HS6ST3: variants seen among roughly 807,000 people sequenced by gnomAD.
The protein encoded by HS6ST3 is heparan sulfate 6-O-sulfotransferase 3.
In HS6ST3, 12 loss-of-function variants were observed where a neutral mutation model predicts 36.7. The observed-to-expected ratio is 0.33, with a 90% CI of 0.21 to 0.53. The LOEUF is 0.53. Ranked by LOEUF, HS6ST3 falls within the 20% of genes least tolerant of loss-of-function variation. HS6ST3 has a pLI of 0.95. For synonymous variants in HS6ST3, 240 were observed against 257.5 expected (o/e 0.93, Z 0.65); for missense variants, 584 against 640.9 (o/e 0.91, Z 0.96).
chr13:96,671,333 A>C (rs955074050), intron 1 of HS6ST3, among the ~76,000 whole-genome samples: 1 of 152,076 alleles, frequency 6.6e-6, no homozygotes, highest in Non-Finnish European at 1.5e-5. Context: ...CTACACCAGT[A>C]TTTACCCTCT....
chr13:96,105,211 G>C (rs1369909057), intron 1 of HS6ST3, among the ~76,000 whole-genome samples: 2 of 152,174 alleles, frequency 1.3e-5, no homozygotes, highest in South Asian at 2.1e-4. Context: ...GGATTGATTT[G>C]AGAGATTGGA....
At chr13:96,274,078 C>G (rs906484488) in intron 1 of HS6ST3, among the ~76,000 whole-genome samples, 3 of 150,198 alleles carry the variant, frequency 2.0e-5, no homozygotes, top group African/African-American at 7.4e-5. Flanking sequence ...GGGTTTTGCT[C>G]TGTCCCCCAG....
At chr13:96,326,798 G>C (rs1194365894) in intron 1 of HS6ST3, among the ~76,000 whole-genome samples, 2 of 151,754 alleles carry the variant, frequency 1.3e-5, no homozygotes, top group African/African-American at 4.8e-5. Context: ...CCCACCAACA[G>C]TGTAAAAGTG....
intron 1 of HS6ST3, among the ~76,000 whole-genome samples, chr13:96,781,762 C>T (rs1225517106): frequency 1.3e-5 from 2 of 152,154 alleles, no homozygotes; most frequent in African/African-American, 4.8e-5. Flanking sequence ...AAAACGTGAA[C>T]CTTTTTTTCA....
At chr13:96,594,017 C>T (rs749646732) in intron 1 of HS6ST3, among the ~76,000 whole-genome samples, 1 of 151,200 alleles carries the variant, frequency 6.6e-6, no homozygotes, top group African/African-American at 2.4e-5. Context: ...AGTGCAATGG[C>T]GCGATCTCAG....
chr13:96,429,109 TG>T, intron 1 of HS6ST3, among the ~76,000 whole-genome samples: 1 of 152,172 alleles, frequency 6.6e-6, no homozygotes, highest in Non-Finnish European at 1.5e-5. Context: ...AAATTGCTGA[TG>T]GGGGATTTAA....
At chr13:96,104,354 A>G (rs1305429210) in intron 1 of HS6ST3, among the ~76,000 whole-genome samples, 1 of 152,288 alleles carries the variant, frequency 6.6e-6, no homozygotes, top group East Asian at 1.9e-4. Flanking sequence ...ACAGATTTCC[A>G]TGGCTTGAGA....
chr13:96,113,932 A>T (rs972608251), intron 1 of HS6ST3, among the ~76,000 whole-genome samples: 1 of 152,154 alleles, frequency 6.6e-6, no homozygotes, highest in African/African-American at 2.4e-5. Flanking sequence ...AATTGATGTA[A>T]TATTATGCCC....
chr13:96,351,976 T>G (rs1299607307), intron 1 of HS6ST3, among the ~76,000 whole-genome samples: 5 of 152,232 alleles, frequency 3.3e-5, no homozygotes, highest in Admixed American at 1.3e-4. Flanking sequence ...ACACAAATAA[T>G]AAGGGAAGTT....
At chr13:96,762,034 TTTAAG>T (rs1347179751) in intron 1 of HS6ST3, among the ~76,000 whole-genome samples, 2 of 152,000 alleles carry the variant, frequency 1.3e-5, no homozygotes, top group African/African-American at 2.4e-5. Flanking sequence ...ATTTACTACA[TTTAAG>T]TTATTTTTAT....
At chr13:96,662,279 C>G (rs940390892) in intron 1 of HS6ST3, among the ~76,000 whole-genome samples, 2 of 152,092 alleles carry the variant, frequency 1.3e-5, no homozygotes, top group Non-Finnish European at 2.9e-5. Flanking sequence ...TTTCTTGAAG[C>G]CTTTGTTCAT....
At chr13:96,792,969 G>A (rs779112080) in intron 1 of HS6ST3, among the ~76,000 whole-genome samples, 3 of 151,982 alleles carry the variant, frequency 2.0e-5, no homozygotes, top group Non-Finnish European at 4.4e-5. Context: ...TCGGCACCAC[G>A]CCAATTTGTT....
intron 1 of HS6ST3, among the ~76,000 whole-genome samples, chr13:96,703,761 T>C (rs1875348955): frequency 6.6e-6 from 1 of 152,192 alleles, no homozygotes; most frequent in South Asian, 2.1e-4. Flanking sequence ...TGGCTCTGTG[T>C]CCCCTTTCAA....
intron 1 of HS6ST3, among the ~76,000 whole-genome samples, chr13:96,311,124 A>G (rs1204084712): frequency 2.0e-5 from 3 of 152,234 alleles, no homozygotes; most frequent in African/African-American, 4.8e-5. Context: ...AAATGAAGCT[A>G]TAAAATACCA....
intron 1 of HS6ST3, among the ~76,000 whole-genome samples, chr13:96,780,562 C>T (rs1877501398): frequency 6.6e-6 from 1 of 152,110 alleles, no homozygotes; most frequent in African/African-American, 2.4e-5. Flanking sequence ...TAGAGATCCA[C>T]TCTCCAGACA....
At chr13:96,677,140 A>T (rs1288845900) in intron 1 of HS6ST3, among the ~76,000 whole-genome samples, 1 of 152,178 alleles carries the variant, frequency 6.6e-6, no homozygotes, top group Non-Finnish European at 1.5e-5. Context: ...AGGTTACATT[A>T]TATGGGGGCA....
Position 96,118,070 on chromosome 13 carries a change from C to T in HS6ST3, c.707+26501C>T, listed in dbSNP as rs142137247. Among the ~76,000 whole-genome samples the T allele has an allele frequency of 3.1e-3, 476 of 151,892 alleles. 2 individuals are homozygous for T. Among genetic ancestry groups the T allele is most frequent in the African/African-American group, 0.011 (467 of 41,418 alleles). Reference sequence around the variant, plus strand: ...TTTTTTAAGTAGAGATGGGGTTTTACTATGTTGGCCAGGCTGGTCTCAAAC... The same window carrying T: ...TTTTTTAAGTAGAGATGGGGTTTTATTATGTTGGCCAGGCTGGTCTCAAAC... On this transcript the variant is annotated intron_variant, in intron 1 of 1. Coordinates refer to ENST00000376705, the MANE Select transcript of HS6ST3 (RefSeq NM_153456.4).
intron 1 of HS6ST3, among the ~76,000 whole-genome samples, chr13:96,592,618 CCTCAGCA>C (rs2056386597): frequency 6.6e-6 from 1 of 152,076 alleles, no homozygotes; most frequent in Non-Finnish European, 1.5e-5. Context: ...TGACTAAATT[CCTCAGCA>C]TTTTATTTAT....
intron 1 of HS6ST3, among the ~76,000 whole-genome samples, chr13:96,587,724 G>A (rs949526485): frequency 6.6e-6 from 1 of 152,180 alleles, no homozygotes; most frequent in Non-Finnish European, 1.5e-5. Flanking sequence ...TAATGAGGGT[G>A]GATCCCTAAT....
Sources: gnomAD v4.1 joint callset for allele counts (sites outside exome capture counted in the v4.1 genomes callset) on GRCh38, gnomAD v4.1.1 for gene constraint, MANE v1.5 for transcripts, NCBI Gene and HGNC (gene_info 2026-07-23, HGNC 2026-07-21) for gene names.